Variants in PTPRN2 observed in about 807,000 individuals in gnomAD.
PTPRN2 encodes the protein protein tyrosine phosphatase receptor type N2.
PTPRN2 carries 74 observed loss-of-function variants against 118.8 expected under a neutral mutation model. The ratio of observed to expected loss-of-function variants is 0.62; its 90% CI spans 0.52 to 0.76. The LOEUF (loss-of-function observed/expected upper bound fraction) is 0.76, where lower values mean the gene tolerates loss of function less well. Ranked by LOEUF, PTPRN2 falls within the 30% of genes least tolerant of loss-of-function variation. The pLI is 0.00. For synonymous variants in PTPRN2, 641 were observed against 608.0 expected, an observed-to-expected ratio of 1.05 and a Z score of -0.80; for missense variants, 1,481 against 1,394.4, an observed-to-expected ratio of 1.06 and a Z score of -0.99.
At chr7:158,125,229 C>A (rs542742754) in intron 9 of PTPRN2, among the ~76,000 whole-genome samples, 63 of 132,160 alleles carry the variant, frequency 4.8e-4, no homozygotes, top group Non-Finnish European at 9.5e-4. Context: ...CCCAGGGCTG[C>A]CCCCCTGTCT....
chr7:158,506,667 G>A (rs966342862), intron 1 of PTPRN2, among the ~76,000 whole-genome samples: 7 of 151,990 alleles, frequency 4.6e-5, no homozygotes, highest in South Asian at 2.1e-4. Context: ...TGACAGCCAC[G>A]GAGGAGTGTG....
rs1800606313 is a variant in PTPRN2 at position 157,585,143 on chromosome 7, C to CTGA, written c.2497-7006_2497-7004dup. Reference sequence around the variant, plus strand: ...CACGTCAGCAGTGCTGATGGAAAGGCTGATGAGGGGGCAGCGGGAGGAACC... The same window carrying CTGA: ...CACGTCAGCAGTGCTGATGGAAAGGCTGATGATGAGGGGGCAGCGGGAGGAACC... On this transcript the variant is annotated intron_variant, in intron 17 of 22. Coordinates refer to ENST00000389418, the MANE Select transcript of PTPRN2 (RefSeq NM_002847.5). The surrounding 1 kb of genome is among the most constrained non-coding windows in gnomAD (Gnocchi z 5.2). Among the ~76,000 whole-genome samples the CTGA allele has an allele frequency of 6.6e-6, 1 of 152,118 alleles. No homozygotes were observed. Among genetic ancestry groups the CTGA allele is most frequent in the African/African-American group, 2.4e-5 (1 of 41,402 alleles).
intron 12 of PTPRN2, among the ~76,000 whole-genome samples, chr7:157,870,185 T>C (rs1810966212): frequency 6.6e-6 from 1 of 152,216 alleles, no homozygotes; most frequent in African/African-American, 2.4e-5. Context: ...AACTTTAATT[T>C]TCCAGCCAGA....
chr7:158,276,237 ATCCCGGTCCTGGTAGCAC>A (rs1798960959), intron 3 of PTPRN2, among the ~76,000 whole-genome samples: 2 of 36,966 alleles, frequency 5.4e-5, no homozygotes, highest in Non-Finnish European at 7.6e-5. Context: ...GCACCCCCAC[ATCCCGGTCCTGGTAGCAC>A]CCCCACACTC....
chr7:158,268,322 G>A (rs989508883), intron 3 of PTPRN2, among the ~76,000 whole-genome samples: 8 of 145,588 alleles, frequency 5.5e-5, no homozygotes, highest in African/African-American at 1.0e-4. Context: ...TATCCCAGCC[G>A]CACGCACACA....
intron 2 of PTPRN2, among the ~76,000 whole-genome samples, chr7:158,342,655 T>G (rs529957869): frequency 6.6e-6 from 1 of 152,300 alleles, no homozygotes; most frequent in South Asian, 2.1e-4. Flanking sequence ...CAGTCAGTCC[T>G]TATGATAACC....
chr7:157,567,516 T>C (rs1799547500), intron 21 of PTPRN2, among the ~76,000 whole-genome samples: 1 of 152,110 alleles, frequency 6.6e-6, no homozygotes, highest in Non-Finnish European at 1.5e-5. Context: ...GCTGTTGTTT[T>C]ATCTTCACAT....
intron 12 of PTPRN2, among the ~76,000 whole-genome samples, chr7:157,832,510 G>A (rs1386411809): frequency 4.6e-5 from 7 of 152,144 alleles, no homozygotes; most frequent in Non-Finnish European, 7.4e-5. Context: ...TTTCACCCAC[G>A]CTTTGCCTGA....
chr7:157,662,862 G>C lies in PTPRN2; in HGVS notation c.2002-6311C>G, dbSNP rs539338398. Among the ~76,000 whole-genome samples, 74 of 152,230 alleles carry C rather than the reference G, an allele frequency of 4.9e-4. No individual in the cohort carries two copies. In the South Asian group the frequency reaches 7.1e-3, roughly 15 times the overall value. Reference sequence around the variant, plus strand: ...TCTACAAGCTTGAAGTAACATTGCCGACCGTGTGCTTCTTGTGCATGCAGG... The same window carrying C: ...TCTACAAGCTTGAAGTAACATTGCCCACCGTGTGCTTCTTGTGCATGCAGG... On this transcript the variant is annotated intron_variant, in intron 13 of 22. Transcript: ENST00000389418.
At chr7:158,322,859 G>A (rs766171505) in intron 2 of PTPRN2, among the ~76,000 whole-genome samples, 1 of 152,248 alleles carries the variant, frequency 6.6e-6, no homozygotes, top group Non-Finnish European at 1.5e-5. Context: ...GCAAGGGCTG[G>A]AGATTGCCAG....
chr7:157,757,186 C>G (rs897900554), intron 12 of PTPRN2, among the ~76,000 whole-genome samples: 1 of 150,258 alleles, frequency 6.7e-6, no homozygotes, highest in African/African-American at 2.5e-5. Context: ...GAGGCTGCAC[C>G]GTGCAGGCAG....
At chr7:157,569,099 G>A (rs767413265) in intron 20 of PTPRN2, 133 bp from the exon 21 acceptor site, 9 of 879,864 alleles carry the variant, frequency 1.0e-5, no homozygotes, top group Middle Eastern at 2.2e-4. Flanking sequence ...ATGTGAGAGG[G>A]GGAGGAAGGA....
At chr7:158,169,617 G>T (rs1823358706) in intron 5 of PTPRN2, among the ~76,000 whole-genome samples, 1 of 151,750 alleles carries the variant, frequency 6.6e-6, no homozygotes. Flanking sequence ...TCTCATATAT[G>T]AACTTGGGTA....
At chr7:158,340,632 T>G (rs550247616) in intron 2 of PTPRN2, among the ~76,000 whole-genome samples, 1 of 104,494 alleles carries the variant, frequency 9.6e-6, no homozygotes. Flanking sequence ...ACACTCACAC[T>G]CTAGCCATAA....
Position 157,840,591 on chromosome 7 carries a change from G to T in PTPRN2, c.1788+58082C>A, listed in dbSNP as rs567951148. 2.0e-5 allele frequency among the ~76,000 whole-genome samples: 3 copies of T among 152,310 alleles called. No homozygotes were observed. In the East Asian group the frequency reaches 5.8e-4, roughly 29 times the overall value. On this transcript the variant is annotated intron_variant, in intron 12 of 22. Transcript: ENST00000389418. ...GGGAGCTGCAGACAACATCCGAGCC[G>T]GCTGAAGCCCACAGAGCAGGCCCCG...
In PTPRN2 at chr7:157,674,309, G is replaced by A. The variant is rs922578758; in HGVS notation, c.2001+8416C>T. 1.3e-5 allele frequency among the ~76,000 whole-genome samples: 2 copies of A among 152,118 alleles called. No homozygotes were observed. The highest frequency in any genetic ancestry group is 2.4e-5 in the African/African-American group (1 of 41,430). ...GGAGGCCTCCCCAGGAGGCGAGGGT[G>A]GGGGGACTCCTGCTGGAGGCGGCCG... On this transcript the variant is annotated intron_variant, in intron 13 of 22. Transcript: ENST00000389418. This position sits in a 1 kb window ranked among gnomAD's most constrained non-coding sequence, Gnocchi z 4.5.
intron 2 of PTPRN2, among the ~76,000 whole-genome samples, chr7:158,332,696 G>A (rs1258345685): frequency 3.4e-5 from 5 of 146,588 alleles, no homozygotes; most frequent in African/African-American, 7.8e-5. Flanking sequence ...AACCATAAGA[G>A]TTGACACCTG....
chr7:158,294,385 A>G (rs1054474123), intron 3 of PTPRN2, among the ~76,000 whole-genome samples: 2 of 152,128 alleles, frequency 1.3e-5, no homozygotes, highest in Admixed American at 6.5e-5. Context: ...ATTACATGAG[A>G]GTTTGTTGTT....
chr7:158,150,449 G>C (rs775476817), intron 6 of PTPRN2, among the ~76,000 whole-genome samples: 5 of 152,294 alleles, frequency 3.3e-5, no homozygotes, highest in Admixed American at 6.5e-5. Flanking sequence ...GCCCTGACCT[G>C]GCACTGACGC....
Sources: allele counts gnomAD v4.1 joint callset (sites outside exome capture counted in the v4.1 genomes callset), GRCh38; gene constraint gnomAD v4.1.1; non-coding constraint Gnocchi (gnomAD v3.1); transcripts MANE v1.5; gene names NCBI Gene and HGNC (gene_info 2026-07-23, HGNC 2026-07-21).